SLC5A8: variants seen among roughly 807,000 people sequenced by gnomAD.
SLC5A8 encodes solute carrier family 5 member 8, also known as sodium-coupled monocarboxylate transporter 1.
Under a neutral mutation model 71.9 loss-of-function variants are expected in SLC5A8, and 55 were observed. That is an observed-to-expected ratio of 0.77 (90% CI 0.62 to 0.96). SLC5A8 has a LOEUF of 0.96. Ranked by LOEUF, SLC5A8 falls within the 40% of genes least tolerant of loss-of-function variation. SLC5A8 has a pLI of 0.00. For missense variants in SLC5A8, 701 were observed against 745.3 expected (o/e 0.94, Z 0.69); for synonymous variants, 307 against 276.1 (o/e 1.11, Z -1.11).
chr12:101,193,581 G>A, intron 5 of SLC5A8, 44 bp downstream of exon 5: 2 of 1,546,602 alleles, frequency 1.3e-6, no homozygotes, highest in Middle Eastern at 1.7e-4. Context: ...TATTTTTATA[G>A]AATACAAAAG....
At chr12:101,158,033 C>T (rs1299195291) in intron 14 of SLC5A8, among the ~76,000 whole-genome samples, 1 of 152,032 alleles carries the variant, frequency 6.6e-6, no homozygotes, top group Non-Finnish European at 1.5e-5. Flanking sequence ...CACAGATAAG[C>T]AATAGGTATA....
At chr12:101,158,598 CTATATATATATATATATATA>C (rs139268658) in intron 13 of SLC5A8, among the ~76,000 whole-genome samples, 2 of 21,244 alleles carry the variant, frequency 9.4e-5, no homozygotes, top group Non-Finnish European at 1.8e-4. Context: ...CTCTCTCTCT[CTATATATATATATATATATA>C]TATATATATA....
intron 9 of SLC5A8, among the ~76,000 whole-genome samples, 171 bp downstream of exon 9, chr12:101,182,631 TA>T (rs1868420538): frequency 6.6e-6 from 1 of 152,220 alleles, no homozygotes; most frequent in Admixed American, 6.5e-5. Context: ...ATGGTAACAT[TA>T]AACATTGATA....
At chr12:101,203,457 C>T (rs1869544670) in intron 2 of SLC5A8, among the ~76,000 whole-genome samples, 1 of 152,134 alleles carries the variant, frequency 6.6e-6, no homozygotes, top group African/African-American at 2.4e-5. Flanking sequence ...AAGTGATTCT[C>T]CCACCTTAGC....
intron 10 of SLC5A8, among the ~76,000 whole-genome samples, chr12:101,176,047 CAG>C (rs1374936974): frequency 6.6e-6 from 1 of 151,934 alleles, no homozygotes; most frequent in African/African-American, 2.4e-5. Context: ...AATGAAAAGA[CAG>C]AGATTGACAG....
chr12:101,175,650 G>A (rs55903605), intron 10 of SLC5A8, among the ~76,000 whole-genome samples: 2,140 of 152,074 alleles, frequency 0.014, 43 homozygotes, highest in South Asian at 0.054. Context: ...CATTCAGAAA[G>A]AAATGACTCC....
chr12:101,196,027 A>T (rs1390270366), intron 3 of SLC5A8, among the ~76,000 whole-genome samples: 6 of 152,072 alleles, frequency 3.9e-5, no homozygotes, highest in Admixed American at 1.3e-4. Context: ...TTAAGTTCAG[A>T]TGTACATGTG....
chr12:101,160,998 G>C lies in SLC5A8; in HGVS notation c.1630+976C>G, dbSNP rs116534544. ...TTCAGATTGAATGGGCCCTACTGAA[G>C]GCCTAGGCCAAGGCAGTCATTGTGA... On this transcript the variant is annotated intron_variant, in intron 13 of 14. Coordinates refer to ENST00000536262, the MANE Select transcript of SLC5A8 (RefSeq NM_145913.5). 5.6e-3 allele frequency among the ~76,000 whole-genome samples: 848 copies of C among 152,236 alleles called. 6 individuals carry two copies. The highest frequency in any genetic ancestry group is 0.019 in the African/African-American group (807 of 41,536).
rs760311943 is a variant in SLC5A8, at chr12:101,166,665, AT to A, written c.1354del (p.Ile452PhefsTer38). The A allele has an allele frequency of 1.9e-6, 3 of 1,612,672 alleles. No individual in the cohort carries two copies. Among genetic ancestry groups the A allele is most frequent in the East Asian group, 2.2e-5 (1 of 44,792 alleles). On this transcript the variant is annotated frameshift_variant, in exon 12 of 15. Coordinates refer to ENST00000536262, the MANE Select transcript of SLC5A8 (RefSeq NM_145913.5). LOFTEE classifies it high-confidence loss of function. ...ALVGLMAGFA[I>X]SLWVGIGAQI... is the part of the protein sequence containing the mutation. ...AGCTCCAATTCCAACCCATAGAGAA[AT>A]GGCAAATCCAGCCATCAGACCAACA... is the stretch of plus-strand genomic sequence containing the variant.
chr12:101,167,689 T>A (rs1247707399), intron 11 of SLC5A8, among the ~76,000 whole-genome samples: 1 of 152,146 alleles, frequency 6.6e-6, no homozygotes, highest in Non-Finnish European at 1.5e-5. Context: ...GCCAAGGTGG[T>A]AAGATTGTGT....
At chr12:101,172,714 T>C (rs992585141) in intron 10 of SLC5A8, among the ~76,000 whole-genome samples, 1 of 152,132 alleles carries the variant, frequency 6.6e-6, no homozygotes, top group African/African-American at 2.4e-5. Context: ...AAGAGTGGTA[T>C]AGGGTGAGTT....
At chr12:101,203,326 G>C (rs914112040) in intron 2 of SLC5A8, among the ~76,000 whole-genome samples, 1 of 152,110 alleles carries the variant, frequency 6.6e-6, no homozygotes, top group Non-Finnish European at 1.5e-5. Context: ...CTGTCTCACT[G>C]CAGCAAATCC....
intron 3 of SLC5A8, 53 bp downstream of exon 3, chr12:101,202,111 T>C (rs1485858492): frequency 2.6e-6 from 4 of 1,550,932 alleles, no homozygotes; most frequent in African/African-American, 1.4e-5. Flanking sequence ...ATAAGGCTTG[T>C]TGAAAGTGAA....
rs1566315674 is a variant in SLC5A8 at position 101,184,233 on chromosome 12, C to G, written c.964-11G>C. 1 of 1,611,082 alleles carries G rather than the reference C, an allele frequency of 6.2e-7. No homozygotes were observed. Among genetic ancestry groups the G allele is most frequent in the Admixed American group, 1.7e-5 (1 of 59,716 alleles). On this transcript the variant is annotated splice_polypyrimidine_tract_variant and intron_variant, in intron 7 of 14. Transcript: ENST00000536262. ...CAAATAAGGCATGAGCTGAAAAATTCCAAAATTTATTTCCAAGTACTTTCG... is the reference window on the plus strand; with the variant it reads ...CAAATAAGGCATGAGCTGAAAAATTGCAAAATTTATTTCCAAGTACTTTCG...
chr12:101,189,899 C>T (rs950881242), intron 6 of SLC5A8, among the ~76,000 whole-genome samples: 3 of 152,184 alleles, frequency 2.0e-5, no homozygotes, highest in Non-Finnish European at 4.4e-5. Context: ...TATTTTACGA[C>T]ACCTCCCATG....
intron 7 of SLC5A8, among the ~76,000 whole-genome samples, chr12:101,185,804 C>T (rs981691389): frequency 6.6e-6 from 1 of 152,152 alleles, no homozygotes; most frequent in Non-Finnish European, 1.5e-5. Context: ...TCTCGAACTC[C>T]TGACCTCAAG....
intron 7 of SLC5A8, among the ~76,000 whole-genome samples, chr12:101,185,110 G>A (rs1231628322): frequency 6.6e-6 from 1 of 152,138 alleles, no homozygotes; most frequent in Non-Finnish European, 1.5e-5. Flanking sequence ...TGTGCTCATG[G>A]GATATGGAAG....
chr12:101,198,352 T>A (rs1209474595), intron 3 of SLC5A8, among the ~76,000 whole-genome samples: 1 of 151,842 alleles, frequency 6.6e-6, no homozygotes, highest in Non-Finnish European at 1.5e-5. Context: ...GCCAAAACAC[T>A]GATTCTTAGA....
At position 101,196,941 on chromosome 12, in the gene SLC5A8, G is replaced by A. The variant is rs974725766; in HGVS notation, c.470-1779C>T. Among the ~76,000 whole-genome samples the A allele has an allele frequency of 3.9e-5, 6 of 152,138 alleles. 1 individual carries two copies. Among genetic ancestry groups the A allele is most frequent in the Admixed American group, 2.6e-4 (4 of 15,280 alleles). On this transcript the variant is annotated intron_variant, in intron 3 of 14. Transcript: ENST00000536262. ...GTATTTTTGAAAGCTCCCCCACCCCGCAAGTGAGTCCAATATGCAGCCAAG... is the reference window on the plus strand; with the variant it reads ...GTATTTTTGAAAGCTCCCCCACCCCACAAGTGAGTCCAATATGCAGCCAAG...
Sources: allele counts gnomAD v4.1 joint callset (sites outside exome capture counted in the v4.1 genomes callset), GRCh38; gene constraint gnomAD v4.1.1; transcripts MANE v1.5; gene names NCBI Gene and HGNC (gene_info 2026-07-23, HGNC 2026-07-21).